TCF12: variants seen among roughly 807,000 people sequenced by gnomAD.
TCF12 encodes the protein DNA-binding protein HTF4.
In TCF12, 45 loss-of-function variants were observed where a neutral mutation model predicts 86.0. The ratio of observed to expected loss-of-function variants is 0.52; its 90% CI spans 0.41 to 0.67. The LOEUF (loss-of-function observed/expected upper bound fraction) is 0.67, where lower values mean the gene tolerates loss of function less well. TCF12 is among the 30% of genes least tolerant of loss of function. The pLI, the probability that TCF12 is intolerant of heterozygous loss-of-function variation, is 0.00. For missense variants in TCF12, 881 were observed against 859.9 expected (o/e 1.02, Z -0.31); for synonymous variants, 330 against 299.6 (o/e 1.10, Z -1.05).
At chr15:57,251,480 G>C (rs1041006607) in intron 14 of TCF12, 57 bp downstream of exon 14, 1 of 1,543,904 alleles carries the variant, frequency 6.5e-7, no homozygotes, top group African/African-American at 1.4e-5. Flanking sequence ...TTTGTTTTTG[G>C]TCAATCTGGC....
chr15:57,092,969 T>C (rs554246633), intron 5 of TCF12, among the ~76,000 whole-genome samples: 1 of 152,316 alleles, frequency 6.6e-6, no homozygotes, highest in African/African-American at 2.4e-5. Context: ...CCTTATTCTC[T>C]ATAGTGTCGA....
At chr15:57,277,752 G>GCAA (rs113406886) in intron 19 of TCF12, among the ~76,000 whole-genome samples, 3,837 of 151,768 alleles carry the variant, frequency 0.025, 168 homozygotes, top group African/African-American at 0.084. Flanking sequence ...ACCAGCCTGA[G>GCAA]CAACAGTTAG....
rs578000612 is a variant in TCF12, at chr15:56,966,780, T to C, written c.148+45682T>C. ...TGAACCTGAACTGTAGTGTCAATAA[T>C]TATAAATTAAGGTATCAAGAACTTA... On this transcript the variant is annotated intron_variant, in intron 3 of 20. Coordinates refer to ENST00000333725, the MANE Select transcript of TCF12 (RefSeq NM_207037.2). 3.9e-5 allele frequency among the ~76,000 whole-genome samples: 6 copies of C among 152,342 alleles called. No homozygotes were observed. The East Asian group carries it at 9.6e-4, about 24-fold the overall frequency.
intron 3 of TCF12, among the ~76,000 whole-genome samples, chr15:56,947,347 A>G (rs560671580): frequency 5.5e-4 from 83 of 151,958 alleles, no homozygotes; most frequent in Non-Finnish European, 1.2e-3. Context: ...CTCCAAGGTG[A>G]CTCCATGCAC....
At chr15:57,203,985 A>G (rs1162798767) in intron 8 of TCF12, among the ~76,000 whole-genome samples, 1 of 150,226 alleles carries the variant, frequency 6.7e-6, no homozygotes, top group Non-Finnish European at 1.5e-5. Flanking sequence ...ACAGAGGAAG[A>G]GTCTGCCTGC....
chr15:56,987,568 A>G (rs1163822696), intron 3 of TCF12, among the ~76,000 whole-genome samples: 1 of 152,178 alleles, frequency 6.6e-6, no homozygotes, highest in Non-Finnish European at 1.5e-5. Context: ...TGCATTTAAG[A>G]CTAGTCATTG....
chr15:57,048,078 A>C (rs1449077714), intron 3 of TCF12, among the ~76,000 whole-genome samples: 1 of 152,194 alleles, frequency 6.6e-6, no homozygotes, highest in Non-Finnish European at 1.5e-5. Flanking sequence ...GTGGTGCATG[A>C]CTTTATTTAC....
chr15:57,027,395 A>G (rs1177234283), intron 3 of TCF12, among the ~76,000 whole-genome samples: 3 of 152,236 alleles, frequency 2.0e-5, no homozygotes, highest in Admixed American at 6.5e-5. Context: ...TGTTGCATGC[A>G]TCAGAAATTA....
chr15:56,991,076 G>C (rs1414344294), intron 3 of TCF12, among the ~76,000 whole-genome samples: 1 of 152,148 alleles, frequency 6.6e-6, no homozygotes, highest in East Asian at 1.9e-4. Flanking sequence ...CATTACAGAC[G>C]CGAGCCACTG....
intron 3 of TCF12, among the ~76,000 whole-genome samples, chr15:56,958,514 T>C (rs1276120036): frequency 6.6e-6 from 1 of 152,210 alleles, no homozygotes; most frequent in South Asian, 2.1e-4. Flanking sequence ...TCATTTGATA[T>C]AGCCACATTC....
intron 3 of TCF12, among the ~76,000 whole-genome samples, chr15:56,957,004 G>C (rs563722743): frequency 6.6e-6 from 1 of 152,322 alleles, no homozygotes; most frequent in African/African-American, 2.4e-5. Flanking sequence ...TGAGGGCTCT[G>C]TCTTCGAGAA....
chr15:56,977,282 T>A (rs1595932103), intron 3 of TCF12, among the ~76,000 whole-genome samples: 1 of 152,096 alleles, frequency 6.6e-6, no homozygotes, highest in South Asian at 2.1e-4. Flanking sequence ...CCTGTAATCC[T>A]AGCACTTTGG....
intron 3 of TCF12, among the ~76,000 whole-genome samples, chr15:57,021,029 C>A (rs530087313): frequency 6.6e-6 from 1 of 152,222 alleles, no homozygotes; most frequent in African/African-American, 2.4e-5. Flanking sequence ...TTACTTCTTT[C>A]CCTATATATT....
chr15:57,065,721 TA>T, intron 4 of TCF12, among the ~76,000 whole-genome samples: 1 of 151,034 alleles, frequency 6.6e-6, no homozygotes, highest in South Asian at 2.1e-4. Flanking sequence ...ATCTTGAAAT[TA>T]AGTTTACCTT....
intron 8 of TCF12, among the ~76,000 whole-genome samples, chr15:57,223,682 T>G (rs2058734472): frequency 7.2e-6 from 1 of 138,592 alleles, no homozygotes; most frequent in Non-Finnish European, 1.5e-5. Flanking sequence ...AGAAATAGAG[T>G]AGCAAGTAAG....
Position 57,252,235 on chromosome 15 carries a change from G to A in TCF12, c.1189-186G>A. The A allele has an allele frequency of 1.1e-5, 6 of 528,632 alleles. No individual in the cohort carries two copies. The South Asian group carries it at 1.8e-4, about 16-fold the overall frequency. 32.7% of individuals were successfully genotyped at this position (528,632 alleles called of 1,614,324 possible). A position where few individuals can be genotyped will look rare whatever the true frequency, so the allele number is the denominator to read the frequency against. ...AATTATAAGCAATGTGTGCTGTTTA[G>A]ATGCTAACCTTGTAACTTCCCTGTT... On this transcript the variant is annotated intron_variant, in intron 14 of 20. Transcript: ENST00000333725.
chr15:57,091,908 C>T lies in TCF12; in HGVS notation c.325+17C>T, dbSNP rs377561086. On this transcript the variant is annotated intron_variant, in intron 5 of 20. Coordinates refer to ENST00000333725, the MANE Select transcript of TCF12 (RefSeq NM_207037.2). ...ATCTGATGGGTAAGTTGGTAATTCT[C>T]TGCAAGTAGTCTTCTCAAAGCTTCT... is the stretch of plus-strand genomic sequence containing the variant. 3.4e-5 allele frequency: 55 copies of T among 1,597,292 alleles called. No individual in the cohort carries two copies. The Admixed American group carries it at 4.0e-4, about 12-fold the overall frequency.
At chr15:57,000,094 G>A (rs1256670305) in intron 3 of TCF12, among the ~76,000 whole-genome samples, 1 of 152,124 alleles carries the variant, frequency 6.6e-6, no homozygotes, top group Non-Finnish European at 1.5e-5. Context: ...ATATTTGAAA[G>A]ACAGAACACA....
chr15:57,019,059 A>G (rs1216535698), intron 3 of TCF12, among the ~76,000 whole-genome samples: 1 of 152,208 alleles, frequency 6.6e-6, no homozygotes, highest in Non-Finnish European at 1.5e-5. Context: ...GGTAGCTGTT[A>G]AGAATGAGAG....
Sources: gnomAD v4.1 joint callset for allele counts (sites outside exome capture counted in the v4.1 genomes callset) on GRCh38, gnomAD v4.1.1 for gene constraint, MANE v1.5 for transcripts, NCBI Gene and HGNC (gene_info 2026-07-23, HGNC 2026-07-21) for gene names.